Variants in S100A10 observed in about 807,000 individuals in gnomAD.
S100A10 encodes S100 calcium binding protein A10.
A neutral mutation model predicts 7.1 loss-of-function variants in S100A10; 3 were observed. The observed-to-expected ratio is 0.42, with a 90% CI of 0.19 to 1.10. The LOEUF is 1.10. Among genes scored for constraint, S100A10 ranks in the 50% least tolerant of loss-of-function variants. The probability of loss-of-function intolerance (pLI) is 0.29; values close to 1 mark genes in which losing one functional copy is unlikely to be tolerated. For synonymous variants in S100A10, 41 were observed against 39.3 expected, an observed-to-expected ratio of 1.04 and a Z score of -0.16; for missense variants, 101 against 118.1, an observed-to-expected ratio of 0.86 and a Z score of 0.67.
At chr1:151,992,439 C>T (rs182323769) in intron 1 of S100A10, 1 of 152,368 alleles carries the variant, frequency 6.6e-6, no homozygotes, top group East Asian at 1.9e-4. Context: ...CGCCAAGGCC[C>T]TGCAGATCTA....
chr1:151,983,387 G>T, intron 2 of S100A10, 63 bp from the exon 3 acceptor site: 1 of 1,114,250 alleles, frequency 9.0e-7, no homozygotes, highest in South Asian at 1.9e-5. Context: ...GAGCTTATTT[G>T]ATTTGTACTG....
At chr1:151,989,636 A>T (rs1176020317) in intron 1 of S100A10, among the ~76,000 whole-genome samples, 2 of 152,236 alleles carry the variant, frequency 1.3e-5, no homozygotes, top group Non-Finnish European at 2.9e-5. Flanking sequence ...TAGAGGATGA[A>T]TCATGTAACT....
At chr1:151,987,744 G>A (rs1655825039) in intron 1 of S100A10, among the ~76,000 whole-genome samples, 1 of 151,406 alleles carries the variant, frequency 6.6e-6, no homozygotes, top group African/African-American at 2.4e-5. Context: ...GTTTCACCGT[G>A]GTCTCGATCT....
intron 2 of S100A10, among the ~76,000 whole-genome samples, chr1:151,984,898 T>C (rs188872111): frequency 6.6e-6 from 1 of 152,338 alleles, no homozygotes; most frequent in East Asian, 1.9e-4. Context: ...AGCCAGATCT[T>C]CTAACTCCTG....
intron 2 of S100A10, among the ~76,000 whole-genome samples, chr1:151,984,987 TA>T (rs1430740424): frequency 4.6e-5 from 7 of 152,210 alleles, no homozygotes; most frequent in African/African-American, 1.4e-4. Flanking sequence ...CATTAGGTAA[TA>T]ACTGCAGCTC....
chr1:151,984,229 T>C (rs1488091024), intron 2 of S100A10: 1 of 152,256 alleles, frequency 6.6e-6, no homozygotes, highest in Non-Finnish European at 1.5e-5. Context: ...TTATGAATTC[T>C]GATGACTATA....
intron 1 of S100A10, among the ~76,000 whole-genome samples, chr1:151,987,933 C>T (rs1366107688): frequency 6.6e-6 from 1 of 152,222 alleles, no homozygotes; most frequent in East Asian, 1.9e-4. Flanking sequence ...GAAAACTACT[C>T]AAAGTCCATT....
rs11542012 is a variant in S100A10 at position 151,983,227 on chromosome 1, G to A, written c.230C>T (p.Ala77Val). ...GTCATTGCATGCAATGGTGAGGCCCGCAATTAGGGAAAAGAAGCTCTGGAA... is the reference window on the plus strand; with the variant it reads ...GTCATTGCATGCAATGGTGAGGCCCACAATTAGGGAAAAGAAGCTCTGGAA... ...VGFQSFFSLI[A>V]GLTIACNDYF... Residue 77 changes from alanine to valine, a missense_variant, in exon 3 of 3, where the codon GCG becomes GTG. Coordinates refer to ENST00000368811, the MANE Select transcript of S100A10 (RefSeq NM_002966.3). 2.5e-6 allele frequency: 4 copies of A among 1,604,346 alleles called. No individual in the cohort carries two copies. Among genetic ancestry groups the A allele is most frequent in the Non-Finnish European group, 3.4e-6 (4 of 1,176,042 alleles).
intron 1 of S100A10, among the ~76,000 whole-genome samples, chr1:151,987,319 T>A (rs1232341720): frequency 6.6e-6 from 1 of 151,842 alleles, no homozygotes; most frequent in African/African-American, 2.4e-5. Flanking sequence ...TCTTTTTAAC[T>A]GACAAAGCAC....
intron 1 of S100A10, among the ~76,000 whole-genome samples, chr1:151,991,789 C>G (rs1332257863): frequency 1.3e-5 from 2 of 152,184 alleles, no homozygotes; most frequent in Non-Finnish European, 2.9e-5. Context: ...CTACAAAAGT[C>G]ACATTTTTTG....
In S100A10 at chr1:151,993,324, C is replaced by A. The variant is rs1258106465; in HGVS notation, c.-22+428G>T. On this transcript the variant is annotated intron_variant, in intron 1 of 2. Transcript: ENST00000368811. The surrounding 1 kb of genome is among the most constrained non-coding windows in gnomAD (Gnocchi z 5.1). ...CAGCCGGGAGCAGGCTACGAACATGCAGACCCGGCCTGCGAGCGGAACCCA... is the reference window on the plus strand; with the variant it reads ...CAGCCGGGAGCAGGCTACGAACATGAAGACCCGGCCTGCGAGCGGAACCCA... 5.3e-5 allele frequency among the ~76,000 whole-genome samples: 8 copies of A among 152,304 alleles called. No individual in the cohort carries two copies. The highest frequency in any genetic ancestry group is 7.4e-5 in the Non-Finnish European group (5 of 68,026).
At chr1:151,985,986 AT>A in intron 2 of S100A10, 112 bp downstream of exon 2, 1 of 788,240 alleles carries the variant, frequency 1.3e-6, no homozygotes, top group Non-Finnish European at 1.9e-6. Context: ...ACATTCATTT[AT>A]TCACTAGTGG....
chr1:151,987,145 C>T (rs2101769101), intron 1 of S100A10, among the ~76,000 whole-genome samples: 1 of 137,672 alleles, frequency 7.3e-6, no homozygotes, highest in East Asian at 2.4e-4. Context: ...GCTGGGATTA[C>T]AGGCGTCCGC....
At chr1:151,986,757 A>G (rs1051478147) in intron 1 of S100A10, among the ~76,000 whole-genome samples, 2 of 152,206 alleles carry the variant, frequency 1.3e-5, no homozygotes, top group East Asian at 1.9e-4. Flanking sequence ...GTAGATTTAC[A>G]TTAACTTTTA....
At chr1:151,985,984 T>C in intron 2 of S100A10, 115 bp downstream of exon 2, 1 of 772,270 alleles carries the variant, frequency 1.3e-6, no homozygotes, top group Non-Finnish European at 2.0e-6. Flanking sequence ...CTACATTCAT[T>C]TATTCACTAG....
At chr1:151,987,263 C>A (rs1270062512) in intron 1 of S100A10, among the ~76,000 whole-genome samples, 1 of 151,880 alleles carries the variant, frequency 6.6e-6, no homozygotes, top group African/African-American at 2.4e-5. Flanking sequence ...ACCTCGGCCT[C>A]CCAAAGTGCT....
In S100A10 at chr1:151,983,136, A is replaced by G; in HGVS notation, c.*27T>C. 3.3e-6 allele frequency: 5 copies of G among 1,510,134 alleles called. No homozygotes were observed. Among genetic ancestry groups the G allele is most frequent in the South Asian group, 2.8e-5 (2 of 72,226 alleles). The allele number at this position is 1,510,134 out of a possible 1,614,324, so 93.5% of individuals were successfully genotyped here. A position where few individuals can be genotyped will look rare whatever the true frequency, so the allele number is the denominator to read the frequency against. On this transcript the variant is annotated 3_prime_UTR_variant, in exon 3 of 3. Coordinates refer to ENST00000368811, the MANE Select transcript of S100A10 (RefSeq NM_002966.3). ...GCGACCCTTTGGGACAACTCTTATC[A>G]GGGAGGAGCGAACTGCTCATTTCTG...
At chr1:151,990,917 T>C (rs149659510) in intron 1 of S100A10, among the ~76,000 whole-genome samples, 201 of 152,286 alleles carry the variant, frequency 1.3e-3, no homozygotes, top group Non-Finnish European at 2.3e-3. Flanking sequence ...ATTTTGGTTG[T>C]CCTGCGAGTA....
chr1:151,990,483 A>G (rs1655881925), intron 1 of S100A10, among the ~76,000 whole-genome samples: 1 of 152,142 alleles, frequency 6.6e-6, no homozygotes, highest in Non-Finnish European at 1.5e-5. Context: ...TGCCCTCTAC[A>G]TGTTTGTCTG....
Sources: gnomAD v4.1 joint callset for allele counts (sites outside exome capture counted in the v4.1 genomes callset) on GRCh38, gnomAD v4.1.1 for gene constraint, Gnocchi (gnomAD v3.1) non-coding constraint, MANE v1.5 for transcripts, NCBI Gene and HGNC (gene_info 2026-07-23, HGNC 2026-07-21) for gene names.